The following KCNJ9 variants were observed in gnomAD, a reference collection of about 807,000 sequenced individuals.
KCNJ9 encodes G protein-activated inward rectifier potassium channel 3.
A neutral mutation model predicts 27.9 loss-of-function variants in KCNJ9; 18 were observed. That is an observed-to-expected ratio of 0.65 (90% CI 0.45 to 0.96). KCNJ9 has a LOEUF of 0.96. Among genes scored for constraint, KCNJ9 ranks in the 40% least tolerant of loss-of-function variants. The probability of loss-of-function intolerance (pLI) is 0.00; values close to 1 mark genes in which losing one functional copy is unlikely to be tolerated. For missense variants in KCNJ9, 324 were observed against 557.5 expected (o/e 0.58, Z 4.22); for synonymous variants, 229 against 248.2 (o/e 0.92, Z 0.73).
Position 160,083,984 on chromosome 1 carries a change from C to A in KCNJ9, c.-47C>A. On this transcript the variant is annotated 5_prime_UTR_variant, in exon 2 of 3. Transcript: ENST00000368088. ...GCGGCAGGTGGCAGCAGCTCGGGCC[C>A]CCGCCGCACTCCAGGCGCCCGCAGC... The A allele has an allele frequency of 8.2e-7, 1 of 1,224,900 alleles. No homozygotes were observed. The highest frequency in any genetic ancestry group is 1.0e-6 in the Non-Finnish European group (1 of 986,302). The allele number at this position is 1,224,900 out of a possible 1,614,324, so 75.9% of individuals were successfully genotyped here. A position where few individuals can be genotyped will look rare whatever the true frequency, so the allele number is the denominator to read the frequency against.
rs1309548656 is a variant in KCNJ9, at chr1:160,087,832, A to G, written c.*15A>G. On this transcript the variant is annotated 3_prime_UTR_variant, in exon 3 of 3. Coordinates refer to ENST00000368088, the MANE Select transcript of KCNJ9 (RefSeq NM_004983.3). ...CCAAGGTGTGACCAGCTTCCTCCAGACCCCTGTGGCAGACCGGGGGCCAGA... is the reference window on the plus strand; with the variant it reads ...CCAAGGTGTGACCAGCTTCCTCCAGGCCCCTGTGGCAGACCGGGGGCCAGA... The G allele has an allele frequency of 6.9e-7, 1 of 1,439,938 alleles. No homozygotes were observed. The highest frequency in any genetic ancestry group is 9.1e-7 in the Non-Finnish European group (1 of 1,097,038). 89.2% of individuals were successfully genotyped at this position (1,439,938 alleles called of 1,614,324 possible).
In KCNJ9 at chr1:160,084,620, C is replaced by T; in HGVS notation, c.590C>T (p.Ser197Phe). 6.2e-7 allele frequency: 1 copy of T among 1,608,262 alleles called. No homozygotes were observed. The highest frequency in any genetic ancestry group is 8.5e-7 in the Non-Finnish European group (1 of 1,177,578). ...ATGTTCCGCGTGGGCGACTTGCGCT[C>T]CTCACACATAGTGGAGGCCTCCATC... is the stretch of plus-strand genomic sequence containing the variant. Reference protein sequence around the residue: ...CLMFRVGDLRSSHIVEASIRA... With the variant: ...CLMFRVGDLRFSHIVEASIRA... Residue 197 changes from serine (S) to phenylalanine (F), a missense_variant, in exon 2 of 3, where the codon TCC becomes TTC. Coordinates refer to ENST00000368088, the MANE Select transcript of KCNJ9 (RefSeq NM_004983.3).
At chr1:160,083,367 C>A (rs7512837) in intron 1 of KCNJ9, among the ~76,000 whole-genome samples, 1 of 151,950 alleles carries the variant, frequency 6.6e-6, no homozygotes, top group African/African-American at 2.4e-5. Context: ...GGGAATGGAG[C>A]GGAGTGAGTG....
At position 160,084,598 on chromosome 1, in the gene KCNJ9, T is replaced by C. The variant is rs1402407235; in HGVS notation, c.568T>C (p.Phe190Leu). The C allele has an allele frequency of 6.2e-7, 1 of 1,610,628 alleles. No individual in the cohort carries two copies. The highest frequency in any genetic ancestry group is 1.3e-5 in the African/African-American group (1 of 75,002). The change falls in exon 2 of 3, where the codon TTC (phenylalanine) becomes CTC (leucine). Residue 190 changes from phenylalanine to leucine, a missense_variant. Physicochemically the swap from Phe to Leu is conservative, Grantham distance 22. This residue lies in a region of KCNJ9 where 241 missense variants were observed against 481.7 expected (regional missense o/e 0.50). Coordinates refer to ENST00000368088, the MANE Select transcript of KCNJ9 (RefSeq NM_004983.3). ...GCGCGACGGGCGCCTCTGCCTCATG[T>C]TCCGCGTGGGCGACTTGCGCTCCTC... ...SLRDGRLCLMFRVGDLRSSHI... is the reference protein window; with the variant it reads ...SLRDGRLCLMLRVGDLRSSHI...
At chr1:160,085,073 G>A (rs1649753257) in intron 2 of KCNJ9, among the ~76,000 whole-genome samples, 193 bp downstream of exon 2, 1 of 152,226 alleles carries the variant, frequency 6.6e-6, no homozygotes, top group Non-Finnish European at 1.5e-5. Flanking sequence ...CCAAGAGAAA[G>A]CTTGGAGGAA....
rs1649863043 is a variant in KCNJ9, at chr1:160,089,837, C to CCA, written c.*2021_*2022insAC. 1.3e-5 allele frequency: 2 copies of CCA among 152,616 alleles called. No homozygotes were observed. Among genetic ancestry groups the CCA allele is most frequent in the African/African-American group, 4.8e-5 (2 of 41,464 alleles). The allele number at this position is 152,616 out of a possible 1,614,324, so 9.5% of individuals were successfully genotyped here. On this transcript the variant is annotated 3_prime_UTR_variant, in exon 3 of 3. Transcript: ENST00000368088. The stretch of plus-strand genomic sequence containing the variant: ...CACAGCAGCACTGGCCCAGCAAGGA[C>CCA]CTCCTCCCTTGGCCCTGGCCACATC...
Position 160,087,933 on chromosome 1 carries a change from G to C in KCNJ9, c.*116G>C. ...GGAGGAAGGCAAAGCCCCTGGAAAT[G>C]TGCTAAAGTTGGAAAGTCCCCGTCC... On this transcript the variant is annotated 3_prime_UTR_variant, in exon 3 of 3. Coordinates refer to ENST00000368088, the MANE Select transcript of KCNJ9 (RefSeq NM_004983.3). The C allele has an allele frequency of 9.2e-7, 1 of 1,082,906 alleles. No individual in the cohort carries two copies. Among genetic ancestry groups the C allele is most frequent in the Non-Finnish European group, 1.2e-6 (1 of 819,528 alleles). 67.1% of individuals were successfully genotyped at this position (1,082,906 alleles called of 1,614,324 possible).
Position 160,087,663 on chromosome 1 carries a change from C to T in KCNJ9, c.1028C>T (p.Ala343Val). The change falls in exon 3 of 3, where the codon GCC (alanine) becomes GTC (valine). Residue 343 changes from alanine to valine, a missense_variant. By Grantham distance (64) the Ala-to-Val change is moderately conservative. This residue lies in a region of KCNJ9 where 241 missense variants were observed against 481.7 expected (regional missense o/e 0.50). Coordinates refer to ENST00000368088, the MANE Select transcript of KCNJ9 (RefSeq NM_004983.3). ...CSARELAEAA[A>V]RLDAHLYWSI... ...GCTCGAGAGCTGGCAGAGGCTGCCG[C>T]CCGCCTTGATGCCCATCTCTACTGG... is the stretch of plus-strand genomic sequence containing the variant. 6.2e-7 allele frequency: 1 copy of T among 1,610,006 alleles called. No individual in the cohort carries two copies. The highest frequency in any genetic ancestry group is 8.5e-7 in the Non-Finnish European group (1 of 1,177,960).
chr1:160,087,892 TGGA>T lies in KCNJ9; in HGVS notation c.*94_*96del, dbSNP rs560898869. ...ATGGGGAACTGCATATCGGAGGTGG[TGGA>T]GGAGGAGGAGGAGGAGGAAGGCAAA... On this transcript the variant is annotated 3_prime_UTR_variant, in exon 3 of 3. Coordinates refer to ENST00000368088, the MANE Select transcript of KCNJ9 (RefSeq NM_004983.3). 2,126 of 1,295,892 alleles carry T rather than the reference TGGA, an allele frequency of 1.6e-3. 1 individual carries two copies. The highest frequency in any genetic ancestry group is 4.2e-3 in the South Asian group (196 of 46,422). 80.3% of individuals were successfully genotyped at this position (1,295,892 alleles called of 1,614,324 possible). A position where few individuals can be genotyped will look rare whatever the true frequency, so the allele number is the denominator to read the frequency against.
rs532974458 is a variant in KCNJ9, at chr1:160,088,903, G to A, written c.*1086G>A. The A allele has an allele frequency of 6.6e-6, 1 of 152,406 alleles. No individual in the cohort carries two copies. The highest frequency in any genetic ancestry group is 2.1e-4 in the South Asian group (1 of 4,818). 9.4% of individuals were successfully genotyped at this position (152,406 alleles called of 1,614,324 possible). ...TGACAACCTGTGCAGTCCCGTGGAG[G>A]GTAGGGGAGTGTGGGTGATCAGAAG... On this transcript the variant is annotated 3_prime_UTR_variant, in exon 3 of 3. Coordinates refer to ENST00000368088, the MANE Select transcript of KCNJ9 (RefSeq NM_004983.3).
At chr1:160,083,481 G>T (rs1380971564) in intron 1 of KCNJ9, among the ~76,000 whole-genome samples, 1 of 152,148 alleles carries the variant, frequency 6.6e-6, no homozygotes, top group Non-Finnish European at 1.5e-5. Context: ...GCTACAGCTG[G>T]GGAAGGGATG....
At position 160,084,827 on chromosome 1, in the gene KCNJ9, A is replaced by C; in HGVS notation, c.797A>C (p.Glu266Ala). ...TGGGAGGCGTCGCGCCGTGCCCTCGAGAGGGACGACTTCGAGATCGTCGTT... is the reference window on the plus strand; with the variant it reads ...TGGGAGGCGTCGCGCCGTGCCCTCGCGAGGGACGACTTCGAGATCGTCGTT... The part of the protein sequence containing the change: ...PFWEASRRAL[E>A]RDDFEIVVIL... The change falls in exon 2 of 3, where the codon GAG (glutamate) becomes GCG (alanine). Residue 266 changes from glutamate (E) to alanine (A), a missense_variant. By Grantham distance (107) the Glu-to-Ala change is moderately radical. Around this residue, in one of 3 missense-constraint regions of KCNJ9, gnomAD observed 241 missense variants for 481.7 expected, o/e 0.50. Coordinates refer to ENST00000368088, the MANE Select transcript of KCNJ9 (RefSeq NM_004983.3). 1 of 1,547,294 alleles carries C rather than the reference A, an allele frequency of 6.5e-7. No homozygotes were observed. Among genetic ancestry groups the C allele is most frequent in the Non-Finnish European group, 8.7e-7 (1 of 1,145,362 alleles).
rs1420738897 is a variant in KCNJ9 at position 160,090,256 on chromosome 1, G to C, written c.*2439G>C. The C allele has an allele frequency of 6.6e-6, 1 of 152,232 alleles. No homozygotes were observed. The highest frequency in any genetic ancestry group is 1.5e-5 in the Non-Finnish European group (1 of 68,056). 9.4% of individuals were successfully genotyped at this position (152,232 alleles called of 1,614,324 possible). On this transcript the variant is annotated 3_prime_UTR_variant, in exon 3 of 3. Transcript: ENST00000368088. ...CTGGACAAGAGCGGGTGGGCTACTT[G>C]GTATCCACACACACGCACTCACACA...
In KCNJ9 at chr1:160,088,780, G is replaced by A. The variant is rs1273765862; in HGVS notation, c.*963G>A. The stretch of plus-strand genomic sequence containing the variant: ...CATCACTGATTGGGTGCCATGTGGA[G>A]TGGACATTCAAAAACCTGGTTCCTG... On this transcript the variant is annotated 3_prime_UTR_variant, in exon 3 of 3. Coordinates refer to ENST00000368088, the MANE Select transcript of KCNJ9 (RefSeq NM_004983.3). 1.3e-5 allele frequency: 2 copies of A among 152,252 alleles called. No individual in the cohort carries two copies. The highest frequency in any genetic ancestry group is 4.8e-5 in the African/African-American group (2 of 41,436). The allele number at this position is 152,252 out of a possible 1,614,324, so 9.4% of individuals were successfully genotyped here. A position where few individuals can be genotyped will look rare whatever the true frequency, so the allele number is the denominator to read the frequency against.
rs1296396996 is a variant in KCNJ9 at position 160,084,790 on chromosome 1, G to T, written c.760G>T (p.Ala254Ser). 3.2e-6 allele frequency: 5 copies of T among 1,552,640 alleles called. No homozygotes were observed. The highest frequency in any genetic ancestry group is 1.4e-5 in the African/African-American group (1 of 73,202). Reference sequence around the variant, plus strand: ...GGTTATCAGCCACGAGATCGACGCCGCCAGCCCCTTCTGGGAGGCGTCGCG... The same window carrying T: ...GGTTATCAGCCACGAGATCGACGCCTCCAGCCCCTTCTGGGAGGCGTCGCG... ...PLVISHEIDA[A>S]SPFWEASRRA... The change falls in exon 2 of 3, where the codon GCC becomes TCC. Residue 254 changes from alanine to serine, a missense_variant. Coordinates refer to ENST00000368088, the MANE Select transcript of KCNJ9 (RefSeq NM_004983.3).
chr1:160,089,099 G>A lies in KCNJ9; in HGVS notation c.*1282G>A, dbSNP rs1182793235. The A allele has an allele frequency of 4.6e-5, 7 of 152,266 alleles. No homozygotes were observed. The highest frequency in any genetic ancestry group is 1.7e-4 in the African/African-American group (7 of 41,456). 9.4% of individuals were successfully genotyped at this position (152,266 alleles called of 1,614,324 possible). ...ACCATGCATTCCTAAGAAGTCCCCAGGTCATGCTGCTGTTGCTGGACTGAG... is the reference window on the plus strand; with the variant it reads ...ACCATGCATTCCTAAGAAGTCCCCAAGTCATGCTGCTGTTGCTGGACTGAG... On this transcript the variant is annotated 3_prime_UTR_variant, in exon 3 of 3. Transcript: ENST00000368088.
At chr1:160,086,650 G>A (rs1335473919) in intron 2 of KCNJ9, among the ~76,000 whole-genome samples, 3 of 152,322 alleles carry the variant, frequency 2.0e-5, no homozygotes, top group African/African-American at 7.2e-5. Context: ...AGTTTTAGTT[G>A]GCTACAGTCT....
intron 1 of KCNJ9, among the ~76,000 whole-genome samples, chr1:160,082,649 C>A (rs1406332069): frequency 6.6e-6 from 1 of 152,168 alleles, no homozygotes; most frequent in Non-Finnish European, 1.5e-5. Flanking sequence ...ATCTGTGGTT[C>A]CTATGGCACA....
intron 1 of KCNJ9, among the ~76,000 whole-genome samples, chr1:160,082,666 C>T (rs1461334266): frequency 6.6e-6 from 1 of 152,214 alleles, no homozygotes; most frequent in Non-Finnish European, 1.5e-5. Flanking sequence ...CACACTCCTC[C>T]ATCCCCCACC....
Sources: allele counts gnomAD v4.1 joint callset (sites outside exome capture counted in the v4.1 genomes callset), GRCh38; gene constraint gnomAD v4.1.1; regional missense constraint gnomAD v4.1.1; transcripts MANE v1.5; gene names NCBI Gene and HGNC (gene_info 2026-07-23, HGNC 2026-07-21).